Variants in KIF16B observed in about 807,000 individuals in gnomAD.
KIF16B encodes kinesin family member 16B, also known as kinesin-like protein KIF16B.
In KIF16B, 98 loss-of-function variants were observed where a neutral mutation model predicts 156.3. That is an observed-to-expected ratio of 0.63 (90% CI 0.53 to 0.74). The LOEUF (loss-of-function observed/expected upper bound fraction) is 0.74, where lower values mean the gene tolerates loss of function less well. Among genes scored for constraint, KIF16B ranks in the 30% least tolerant of loss-of-function variants. KIF16B has a pLI of 0.00. For missense variants in KIF16B, 1,421 were observed against 1,606.5 expected, an observed-to-expected ratio of 0.88 and a Z score of 1.97; for synonymous variants, 564 against 583.7, an observed-to-expected ratio of 0.97 and a Z score of 0.49.
At chr20:16,444,589 T>C (rs2066884558) in intron 12 of KIF16B, among the ~76,000 whole-genome samples, 1 of 152,222 alleles carries the variant, frequency 6.6e-6, no homozygotes, top group Non-Finnish European at 1.5e-5. Flanking sequence ...ACCTAGCCTT[T>C]CGGAGCAGCA....
intron 15 of KIF16B, among the ~76,000 whole-genome samples, chr20:16,410,086 T>TGTTG (rs2065901041): frequency 3.2e-5 from 4 of 125,330 alleles, no homozygotes; most frequent in South Asian, 2.5e-4. Context: ...TATATATATA[T>TGTTG]GTAGGTACAT....
chr20:16,419,671 A>G (rs1354238080), intron 15 of KIF16B, among the ~76,000 whole-genome samples: 1 of 152,188 alleles, frequency 6.6e-6, no homozygotes, highest in Non-Finnish European at 1.5e-5. Context: ...AGACCAAAGG[A>G]GTCCACTTAT....
intron 15 of KIF16B, among the ~76,000 whole-genome samples, chr20:16,407,108 G>A (rs913214753): frequency 5.3e-5 from 8 of 152,128 alleles, no homozygotes; most frequent in Non-Finnish European, 1.2e-4. Flanking sequence ...TGCACAAGGG[G>A]CAAAATAATT....
rs554653299 is a variant in KIF16B at position 16,572,649 on chromosome 20, T to C, written c.47+580A>G. On this transcript the variant is annotated intron_variant, in intron 1 of 25. Transcript: ENST00000354981. ...TTGTGTGTAACACTCTTCCTCTCTCTTAATATCAGAGTATTTCAAACACGT... is the reference window on the plus strand; with the variant it reads ...TTGTGTGTAACACTCTTCCTCTCTCCTAATATCAGAGTATTTCAAACACGT... Among the ~76,000 whole-genome samples the C allele has an allele frequency of 4.6e-5, 7 of 152,380 alleles. No homozygotes were observed. In the East Asian group the frequency reaches 1.3e-3, roughly 29 times the overall value.
chr20:16,299,459 C>T (rs185518162), intron 25 of KIF16B, among the ~76,000 whole-genome samples: 1 of 152,148 alleles, frequency 6.6e-6, no homozygotes, highest in Non-Finnish European at 1.5e-5. Context: ...TTGTATTACC[C>T]TTTGCATGGT....
At chr20:16,491,393 G>A (rs1328574408) in intron 12 of KIF16B, among the ~76,000 whole-genome samples, 1 of 152,078 alleles carries the variant, frequency 6.6e-6, no homozygotes, top group Non-Finnish European at 1.5e-5. Context: ...AAATGAGGAA[G>A]GCAGACTAAG....
chr20:16,440,676 AC>A (rs1024241616), intron 12 of KIF16B, among the ~76,000 whole-genome samples: 1 of 152,084 alleles, frequency 6.6e-6, no homozygotes, highest in Non-Finnish European at 1.5e-5. Context: ...ACACCATGGC[AC>A]CAACAAACCT....
At chr20:16,452,907 G>C (rs2067122361) in intron 12 of KIF16B, among the ~76,000 whole-genome samples, 1 of 151,542 alleles carries the variant, frequency 6.6e-6, no homozygotes, top group Non-Finnish European at 1.5e-5. Flanking sequence ...AAAAAAAATA[G>C]AAGAAGTGAA....
intron 24 of KIF16B, among the ~76,000 whole-genome samples, chr20:16,327,040 C>A (rs1217650601): frequency 7.0e-6 from 1 of 143,654 alleles, no homozygotes; most frequent in African/African-American, 2.6e-5. Flanking sequence ...TACACACACA[C>A]ATATATATGT....
chr20:16,540,083 T>C (rs887012768), intron 1 of KIF16B, among the ~76,000 whole-genome samples: 1 of 152,296 alleles, frequency 6.6e-6, no homozygotes, highest in South Asian at 2.1e-4. Context: ...AAATAATACA[T>C]GAGCTCCATG....
chr20:16,451,117 A>G (rs1165163027), intron 12 of KIF16B, among the ~76,000 whole-genome samples: 3 of 152,240 alleles, frequency 2.0e-5, no homozygotes, highest in Non-Finnish European at 2.9e-5. Flanking sequence ...TTCCAAGCTC[A>G]TATAGAATGT....
intron 25 of KIF16B, among the ~76,000 whole-genome samples, chr20:16,275,958 G>C (rs999816432): frequency 1.3e-5 from 2 of 152,226 alleles, no homozygotes; most frequent in South Asian, 4.1e-4. Context: ...AGATGATTTG[G>C]AAAACGGGAG....
chr20:16,293,963 G>A (rs1017358189), intron 25 of KIF16B, among the ~76,000 whole-genome samples: 16 of 151,940 alleles, frequency 1.1e-4, no homozygotes, highest in Non-Finnish European at 7.4e-5. Context: ...ATAGTGGGAC[G>A]TTAACAGCAC....
chr20:16,461,014 G>GA (rs1283190743), intron 12 of KIF16B, among the ~76,000 whole-genome samples: 1 of 151,870 alleles, frequency 6.6e-6, no homozygotes, highest in African/African-American at 2.4e-5. Flanking sequence ...ATATTCAAAG[G>GA]AAAATGTATA....
intron 10 of KIF16B, among the ~76,000 whole-genome samples, chr20:16,499,583 A>G (rs2068556724): frequency 6.6e-6 from 1 of 152,244 alleles, no homozygotes; most frequent in African/African-American, 2.4e-5. Flanking sequence ...AAAGTGGCAG[A>G]TGTTAGTATT....
chr20:16,515,506 G>A, intron 4 of KIF16B, 42 bp downstream of exon 4: 1 of 1,027,510 alleles, frequency 9.7e-7, no homozygotes, highest in South Asian at 1.3e-5. Context: ...TCCAGAGAAA[G>A]ATAATGAGAA....
chr20:16,389,916 T>G (rs997530994), intron 17 of KIF16B, among the ~76,000 whole-genome samples: 1 of 152,198 alleles, frequency 6.6e-6, no homozygotes, highest in African/African-American at 2.4e-5. Flanking sequence ...ATAGCTGTTT[T>G]GTAGAGACAA....
chr20:16,395,867 G>A (rs536333682), intron 17 of KIF16B, among the ~76,000 whole-genome samples: 14 of 151,974 alleles, frequency 9.2e-5, no homozygotes, highest in African/African-American at 1.2e-4. Flanking sequence ...TAAATAAAAA[G>A]GATAGTCTCA....
In KIF16B at chr20:16,374,213, G is replaced by A. The variant is rs767627529; in HGVS notation, c.3350+44C>T. The A allele has an allele frequency of 6.1e-6, 9 of 1,482,428 alleles. No individual in the cohort carries two copies. In the South Asian group the frequency reaches 1.1e-4, roughly 18 times the overall value. The allele number at this position is 1,482,428 out of a possible 1,614,324, so 91.8% of individuals were successfully genotyped here. ...CAACAGAGAAACAATGAGTCCTTGA[G>A]TCACATCAAATGAGAAGCCTGGAAT... is the stretch of plus-strand genomic sequence containing the variant. On this transcript the variant is annotated intron_variant, in intron 20 of 25. Transcript: ENST00000354981.
Sources: allele counts gnomAD v4.1 joint callset (sites outside exome capture counted in the v4.1 genomes callset), GRCh38; gene constraint gnomAD v4.1.1; transcripts MANE v1.5; gene names NCBI Gene and HGNC (gene_info 2026-07-23, HGNC 2026-07-21).